The following CCDC178 variants were observed in gnomAD, a reference collection of about 807,000 sequenced individuals.
The protein encoded by CCDC178 is coiled-coil domain-containing protein 178.
A neutral mutation model predicts 117.4 loss-of-function variants in CCDC178; 126 were observed. The observed-to-expected ratio is 1.07, with a 90% CI of 0.93 to 1.24. CCDC178 has a LOEUF of 1.24. Ranked by LOEUF, CCDC178 falls within the 50% of genes most tolerant of loss-of-function variation. The probability of loss-of-function intolerance (pLI) is 0.00; values close to 1 mark genes in which losing one functional copy is unlikely to be tolerated. For synonymous variants in CCDC178, 283 were observed against 313.4 expected, an observed-to-expected ratio of 0.90 and a Z score of 1.02; for missense variants, 1,030 against 986.9, an observed-to-expected ratio of 1.04 and a Z score of -0.59.
intron 20 of CCDC178, among the ~76,000 whole-genome samples, chr18:33,093,948 T>C (rs1203144735): frequency 3.3e-5 from 5 of 152,046 alleles, no homozygotes; most frequent in African/African-American, 1.2e-4. Flanking sequence ...TTAAAATTGT[T>C]TCTTTGTGAA....
At chr18:33,103,409 T>A (rs1173540127) in intron 20 of CCDC178, among the ~76,000 whole-genome samples, 2 of 151,520 alleles carry the variant, frequency 1.3e-5, no homozygotes, top group African/African-American at 4.8e-5. Flanking sequence ...CCAAACCATA[T>A]CACGTGCTTA....
chr18:32,963,497 T>C (rs1455895958), intron 22 of CCDC178, among the ~76,000 whole-genome samples: 2 of 152,054 alleles, frequency 1.3e-5, no homozygotes, highest in South Asian at 4.1e-4. Flanking sequence ...ATCTCCCTCT[T>C]CATTTCATCT....
intron 2 of CCDC178, among the ~76,000 whole-genome samples, chr18:33,439,703 G>C (rs1420829572): frequency 6.6e-6 from 1 of 152,100 alleles, no homozygotes; most frequent in Non-Finnish European, 1.5e-5. Context: ...AGGGTAGGAG[G>C]GAGATGTCAA....
At chr18:33,141,653 G>A (rs1792229679) in intron 20 of CCDC178, among the ~76,000 whole-genome samples, 1 of 152,190 alleles carries the variant, frequency 6.6e-6, no homozygotes, top group Non-Finnish European at 1.5e-5. Context: ...GAAACACAAA[G>A]AGGAAAGTTC....
intron 12 of CCDC178, among the ~76,000 whole-genome samples, chr18:33,273,727 T>TA (rs2059914219): frequency 6.6e-6 from 1 of 151,588 alleles, no homozygotes; most frequent in African/African-American, 2.4e-5. Context: ...AAACTTGGAT[T>TA]AAAAAATATA....
intron 22 of CCDC178, 150 bp from the exon 23 acceptor site, chr18:32,938,241 T>G: frequency 1.7e-6 from 1 of 605,068 alleles, no homozygotes; most frequent in East Asian, 2.8e-5. Context: ...AGACAAACAG[T>G]ATAAACCCCA....
At chr18:33,427,653 T>G (rs762623740) in intron 2 of CCDC178, among the ~76,000 whole-genome samples, 18 of 152,168 alleles carry the variant, frequency 1.2e-4, no homozygotes, top group Non-Finnish European at 1.8e-4. Flanking sequence ...AAGCACATCT[T>G]CGGAAAGATT....
intron 2 of CCDC178, among the ~76,000 whole-genome samples, chr18:33,419,491 C>G (rs1468907175): frequency 6.6e-6 from 1 of 152,124 alleles, no homozygotes; most frequent in Non-Finnish European, 1.5e-5. Context: ...ACAGAGTAAA[C>G]AGACAACCCA....
intron 21 of CCDC178, among the ~76,000 whole-genome samples, chr18:33,085,302 G>A (rs890863227): frequency 3.3e-5 from 5 of 152,192 alleles, no homozygotes; most frequent in Admixed American, 6.5e-5. Context: ...GGTGGCTCAC[G>A]CCTGTAATCC....
intron 21 of CCDC178, among the ~76,000 whole-genome samples, chr18:33,006,383 A>G (rs919723795): frequency 1.4e-4 from 21 of 152,114 alleles, no homozygotes; most frequent in Admixed American, 1.3e-3. Context: ...TTGATTCCCA[A>G]TTTGATAATT....
chr18:33,432,178 T>C (rs914773967), intron 2 of CCDC178, among the ~76,000 whole-genome samples: 1 of 152,134 alleles, frequency 6.6e-6, no homozygotes, highest in African/African-American at 2.4e-5. Flanking sequence ...AGGGTTTGGT[T>C]GGGTATGGGG....
intron 21 of CCDC178, among the ~76,000 whole-genome samples, chr18:33,072,207 A>G (rs2057121132): frequency 6.6e-6 from 1 of 152,112 alleles, no homozygotes; most frequent in African/African-American, 2.4e-5. Context: ...CTGCATTTAG[A>G]TTATATTAAT....
intron 22 of CCDC178, among the ~76,000 whole-genome samples, chr18:32,967,290 T>C (rs983035973): frequency 1.5e-4 from 22 of 151,622 alleles, no homozygotes; most frequent in Non-Finnish European, 1.2e-4. Context: ...ATATTTCCCA[T>C]TGTGATTGTG....
chr18:33,155,851 T>C (rs912999528), intron 20 of CCDC178, among the ~76,000 whole-genome samples: 6 of 152,078 alleles, frequency 3.9e-5, no homozygotes, highest in Non-Finnish European at 7.4e-5. Flanking sequence ...CCTACATTAC[T>C]GGGGGTATTT....
intron 21 of CCDC178, among the ~76,000 whole-genome samples, chr18:33,047,932 T>C (rs2056675110): frequency 6.6e-6 from 1 of 152,190 alleles, no homozygotes; most frequent in Non-Finnish European, 1.5e-5. Flanking sequence ...GAAGTATAGA[T>C]TGCCTGGATA....
At chr18:33,398,057 T>G (rs28735821) in intron 3 of CCDC178, among the ~76,000 whole-genome samples, 2,374 of 152,188 alleles carry the variant, frequency 0.016, 59 homozygotes, top group African/African-American at 0.053. Context: ...TTAATAATTA[T>G]TTTTAAATTT....
chr18:33,125,947 T>C (rs1756660005), intron 20 of CCDC178, among the ~76,000 whole-genome samples: 1 of 152,142 alleles, frequency 6.6e-6, no homozygotes, highest in South Asian at 2.1e-4. Flanking sequence ...ATTAAGAAGT[T>C]TAGATTCCAG....
chr18:33,363,005 C>T (rs2063151486), intron 6 of CCDC178, among the ~76,000 whole-genome samples: 1 of 151,912 alleles, frequency 6.6e-6, no homozygotes, highest in African/African-American at 2.4e-5. Context: ...TCATTAATTA[C>T]AGCAAAGATA....
At chr18:32,948,216 C>T (rs973601938) in intron 22 of CCDC178, among the ~76,000 whole-genome samples, 3 of 151,980 alleles carry the variant, frequency 2.0e-5, no homozygotes, top group Admixed American at 6.6e-5. Flanking sequence ...TTAAAACAAA[C>T]TTTTCAATTG....
Sources: gnomAD v4.1 joint callset for allele counts (sites outside exome capture counted in the v4.1 genomes callset) on GRCh38, gnomAD v4.1.1 for gene constraint, MANE v1.5 for transcripts, NCBI Gene and HGNC (gene_info 2026-07-23, HGNC 2026-07-21) for gene names.